Variants in CSMD1 observed in about 807,000 individuals in gnomAD.
The protein encoded by CSMD1 is CUB and Sushi multiple domains 1.
In CSMD1, 213 loss-of-function variants were observed where a neutral mutation model predicts 417.5. The ratio of observed to expected loss-of-function variants is 0.51; its 90% CI spans 0.46 to 0.57. The LOEUF is 0.57. Ranked by LOEUF, CSMD1 falls within the 20% of genes least tolerant of loss-of-function variation. The pLI, the probability that CSMD1 is intolerant of heterozygous loss-of-function variation, is 0.00. For missense variants in CSMD1, 6,923 were observed against 4,529.7 expected, an observed-to-expected ratio of 1.53 and a Z score of -15.17; for synonymous variants, 2,862 against 1,736.8, an observed-to-expected ratio of 1.65 and a Z score of -16.11.
At chr8:4,971,818 G>A (rs1810257385) in intron 1 of CSMD1, among the ~76,000 whole-genome samples, 2 of 151,816 alleles carry the variant, frequency 1.3e-5, no homozygotes, top group Non-Finnish European at 2.9e-5. Context: ...AGAATTTAAA[G>A]ATAAGTTGAT....
At chr8:3,530,463 C>T (rs1000510357) in intron 10 of CSMD1, among the ~76,000 whole-genome samples, 1 of 152,058 alleles carries the variant, frequency 6.6e-6, no homozygotes, top group Non-Finnish European at 1.5e-5. Flanking sequence ...TGTAAATTTC[C>T]TAGCTTTCCT....
intron 50 of CSMD1, among the ~76,000 whole-genome samples, chr8:3,038,188 G>A (rs1585203172): frequency 6.6e-6 from 1 of 152,182 alleles, no homozygotes; most frequent in South Asian, 2.1e-4. Flanking sequence ...TCTGATCTCA[G>A]CGAGACAAGA....
chr8:3,453,900 T>G (rs1157128472), intron 12 of CSMD1, among the ~76,000 whole-genome samples: 1 of 152,238 alleles, frequency 6.6e-6, no homozygotes, highest in Non-Finnish European at 1.5e-5. Flanking sequence ...ATGTCTGATG[T>G]TGACAGTAGG....
intron 16 of CSMD1, among the ~76,000 whole-genome samples, chr8:3,398,306 T>A (rs1811823631): frequency 2.0e-5 from 3 of 152,220 alleles, no homozygotes; most frequent in African/African-American, 7.2e-5. Context: ...TTCAAATGAT[T>A]GATTATACAC....
rs1428799576 is a variant in CSMD1 at position 3,575,107 on chromosome 8, T to A, written c.1223-41A>T. The A allele has an allele frequency of 6.2e-6, 10 of 1,604,056 alleles. No homozygotes were observed. The Middle Eastern group carries it at 1.5e-3, about 241-fold the overall frequency. ...AACGACGTTATTTTCTACAACATTGTGTCAGTTTGGTAAAGACATAACATT... is the reference window on the plus strand; with the variant it reads ...AACGACGTTATTTTCTACAACATTGAGTCAGTTTGGTAAAGACATAACATT... On this transcript the variant is annotated intron_variant, in intron 9 of 69. Coordinates refer to ENST00000635120, the MANE Select transcript of CSMD1 (RefSeq NM_033225.6).
intron 1 of CSMD1, among the ~76,000 whole-genome samples, chr8:4,876,992 T>C (rs1306864703): frequency 1.3e-5 from 2 of 152,074 alleles, no homozygotes; most frequent in Admixed American, 6.5e-5. Flanking sequence ...ACAATAAGTA[T>C]AATACAAAGA....
intron 50 of CSMD1, among the ~76,000 whole-genome samples, chr8:3,038,929 T>G (rs914258303): frequency 6.6e-6 from 1 of 152,172 alleles, no homozygotes; most frequent in Non-Finnish European, 1.5e-5. Context: ...AACCAGCAGT[T>G]GGCATCTGAG....
intron 3 of CSMD1, among the ~76,000 whole-genome samples, chr8:4,063,142 G>GT: frequency 6.6e-6 from 1 of 152,144 alleles, no homozygotes; most frequent in South Asian, 2.1e-4. Flanking sequence ...ATTTCAAAAT[G>GT]CCTAGAAGAT....
chr8:4,124,994 C>T (rs1441997557), intron 3 of CSMD1, among the ~76,000 whole-genome samples: 2 of 151,642 alleles, frequency 1.3e-5, no homozygotes, highest in East Asian at 4.0e-4. Flanking sequence ...GCTTTCCTTT[C>T]ACTTTCATAA....
chr8:4,089,934 T>C (rs918876702), intron 3 of CSMD1, among the ~76,000 whole-genome samples: 1 of 152,192 alleles, frequency 6.6e-6, no homozygotes, highest in Non-Finnish European at 1.5e-5. Flanking sequence ...GAATATTACA[T>C]GTATTATTGT....
chr8:2,952,466 G>C (rs894513532), intron 65 of CSMD1, among the ~76,000 whole-genome samples: 1 of 151,982 alleles, frequency 6.6e-6, no homozygotes, highest in African/African-American at 2.4e-5. Flanking sequence ...GCTTCCTTTG[G>C]CCTTTTGTAG....
chr8:3,327,608 T>A (rs908750828), intron 23 of CSMD1, among the ~76,000 whole-genome samples: 1 of 152,158 alleles, frequency 6.6e-6, no homozygotes, highest in Admixed American at 6.5e-5. Flanking sequence ...CGTAGGATAA[T>A]TGTTTCAGTA....
chr8:3,057,638 T>A (rs1812322907), intron 49 of CSMD1, among the ~76,000 whole-genome samples: 1 of 152,210 alleles, frequency 6.6e-6, no homozygotes, highest in African/African-American at 2.4e-5. Flanking sequence ...TTATTCGACT[T>A]TCTTACAGAT....
intron 3 of CSMD1, among the ~76,000 whole-genome samples, chr8:4,230,514 C>T (rs759906617): frequency 1.3e-5 from 2 of 152,098 alleles, no homozygotes; most frequent in Admixed American, 6.5e-5. Context: ...TGTCCTTTCC[C>T]ACATACAGAG....
chr8:3,780,120 C>G (rs1227526041), intron 5 of CSMD1, among the ~76,000 whole-genome samples: 1 of 152,186 alleles, frequency 6.6e-6, no homozygotes, highest in African/African-American at 2.4e-5. Flanking sequence ...AAGGCTTGCG[C>G]TGATATAAAC....
At chr8:3,857,359 A>G (rs1473656289) in intron 5 of CSMD1, among the ~76,000 whole-genome samples, 1 of 152,194 alleles carries the variant, frequency 6.6e-6, no homozygotes, top group Non-Finnish European at 1.5e-5. Context: ...CTACACAAAC[A>G]AAGCTCCTAA....
chr8:3,320,129 G>T (rs972674098), intron 23 of CSMD1, among the ~76,000 whole-genome samples: 5 of 152,176 alleles, frequency 3.3e-5, no homozygotes, highest in Non-Finnish European at 5.9e-5. Flanking sequence ...CATCAGGCAG[G>T]TTTGTCTGTG....
intron 5 of CSMD1, among the ~76,000 whole-genome samples, chr8:3,800,787 G>C (rs1398195639): frequency 6.6e-6 from 1 of 151,952 alleles, no homozygotes; most frequent in Admixed American, 6.6e-5. Flanking sequence ...CTCATGTTTG[G>C]CTGTATTTTG....
intron 3 of CSMD1, among the ~76,000 whole-genome samples, chr8:4,246,402 G>C (rs1260449299): frequency 6.6e-6 from 1 of 152,158 alleles, no homozygotes; most frequent in African/African-American, 2.4e-5. Context: ...CTGCTGTTGT[G>C]AAGTTCTTAA....
Sources: gnomAD v4.1 joint callset for allele counts (sites outside exome capture counted in the v4.1 genomes callset) on GRCh38, gnomAD v4.1.1 for gene constraint, MANE v1.5 for transcripts, NCBI Gene and HGNC (gene_info 2026-07-23, HGNC 2026-07-21) for gene names.